Variants in DDR2 observed in about 807,000 individuals in gnomAD.
DDR2 encodes discoidin domain-containing receptor 2.
Under a neutral mutation model 94.9 loss-of-function variants are expected in DDR2, and 27 were observed. The ratio of observed to expected loss-of-function variants is 0.28; its 90% confidence interval spans 0.21 to 0.39. The LOEUF (loss-of-function observed/expected upper bound fraction) is 0.39, where lower values mean the gene tolerates loss of function less well. Among genes scored for constraint, DDR2 ranks in the 10% least tolerant of loss-of-function variants. The probability of loss-of-function intolerance (pLI) is 1.00; values close to 1 mark genes in which losing one functional copy is unlikely to be tolerated. For synonymous variants in DDR2, 382 were observed against 377.2 expected (o/e 1.01, Z -0.15); for missense variants, 783 against 1,076.0 (o/e 0.73, Z 3.81).
At chr1:162,741,561 T>C (rs1469423711) in intron 3 of DDR2, 1 of 985,000 alleles carries the variant, frequency 1.0e-6, no homozygotes, top group Admixed American at 6.2e-5. Context: ...TGCAAACTGT[T>C]AAGAATTCTA....
intron 12 of DDR2, 62 bp downstream of exon 12, chr1:162,770,574 T>G: frequency 1.4e-6 from 2 of 1,460,316 alleles, no homozygotes; most frequent in Non-Finnish European, 1.9e-6. Flanking sequence ...CAGGTAGGTA[T>G]GACACGCCTG....
intron 2 of DDR2, among the ~76,000 whole-genome samples, chr1:162,715,145 A>G (rs575743169): frequency 6.6e-6 from 1 of 152,316 alleles, no homozygotes; most frequent in East Asian, 1.9e-4. Flanking sequence ...GACCAGATGT[A>G]GTCACTGAAT....
chr1:162,739,822 T>C (rs1051267237), intron 3 of DDR2, among the ~76,000 whole-genome samples: 1 of 152,196 alleles, frequency 6.6e-6, no homozygotes, highest in Non-Finnish European at 1.5e-5. Flanking sequence ...GTAAAATATG[T>C]GAGAAGAAGT....
chr1:162,734,504 C>G (rs1422472686), intron 3 of DDR2, among the ~76,000 whole-genome samples: 1 of 152,156 alleles, frequency 6.6e-6, no homozygotes, highest in African/African-American at 2.4e-5. Context: ...CATTACAAGT[C>G]TAAAAACTGT....
chr1:162,730,039 G>C (rs535305135), intron 3 of DDR2, among the ~76,000 whole-genome samples: 1 of 117,378 alleles, frequency 8.5e-6, no homozygotes, highest in African/African-American at 3.4e-5. Flanking sequence ...ACCATGCCTG[G>C]CTTTTTTTTT....
intron 1 of DDR2, among the ~76,000 whole-genome samples, chr1:162,654,594 G>A (rs1170696544): frequency 6.6e-6 from 1 of 152,168 alleles, no homozygotes; most frequent in Non-Finnish European, 1.5e-5. Flanking sequence ...TGGTGCGGTG[G>A]AAATGAGACT....
intron 13 of DDR2, among the ~76,000 whole-genome samples, chr1:162,772,755 A>T (rs1286834013): frequency 6.6e-6 from 1 of 152,208 alleles, no homozygotes; most frequent in Non-Finnish European, 1.5e-5. Flanking sequence ...TTGCCCTCAG[A>T]GTGATGCATG....
At chr1:162,648,370 G>T (rs555592844) in intron 1 of DDR2, among the ~76,000 whole-genome samples, 3 of 152,300 alleles carry the variant, frequency 2.0e-5, no homozygotes, top group Admixed American at 2.0e-4. Flanking sequence ...TAACAGTGAG[G>T]ACAGGAGCCT....
chr1:162,724,641 G>A (rs764378942), intron 3 of DDR2, among the ~76,000 whole-genome samples: 3 of 152,094 alleles, frequency 2.0e-5, no homozygotes, highest in Admixed American at 1.3e-4. Flanking sequence ...CTCGTCATTC[G>A]TGTTCCCAGA....
intron 7 of DDR2, among the ~76,000 whole-genome samples, chr1:162,758,973 G>A (rs1663587263): frequency 6.6e-6 from 1 of 152,092 alleles, no homozygotes; most frequent in African/African-American, 2.4e-5. Context: ...AGTCAAATAA[G>A]CATACATGCA....
At chr1:162,696,499 T>C (rs949974817) in intron 2 of DDR2, among the ~76,000 whole-genome samples, 1 of 151,596 alleles carries the variant, frequency 6.6e-6, no homozygotes, top group Non-Finnish European at 1.5e-5. Flanking sequence ...GGTGTCATAT[T>C]TCATGAGCTC....
chr1:162,772,273 T>A lies in DDR2; in HGVS notation c.1728+26T>A, dbSNP rs561538146. The A allele has an allele frequency of 2.7e-5, 44 of 1,608,448 alleles. No individual in the cohort carries two copies. In the African/African-American group the frequency reaches 4.4e-4, roughly 16 times the overall value. On this transcript the variant is annotated intron_variant, in intron 13 of 17. Transcript: ENST00000367921. Reference sequence around the variant, plus strand: ...GTGAGTTGATTCTTTGATTCCCTTATAGCTCGAAGAAGGTGGTTGGATAAA... The same window carrying A: ...GTGAGTTGATTCTTTGATTCCCTTAAAGCTCGAAGAAGGTGGTTGGATAAA...
At chr1:162,742,586 G>A (rs775558124) in intron 3 of DDR2, among the ~76,000 whole-genome samples, 9 of 152,176 alleles carry the variant, frequency 5.9e-5, no homozygotes, top group Non-Finnish European at 1.0e-4. Context: ...CTTCCCCCAT[G>A]ATCCAAACAC....
Position 162,780,398 on chromosome 1 carries a change from C to T in DDR2, c.*152C>T, listed in dbSNP as rs1050990901. 7.1e-6 allele frequency: 8 copies of T among 1,133,782 alleles called. No homozygotes were observed. Among genetic ancestry groups the T allele is most frequent in the Non-Finnish European group, 6.4e-6 (5 of 785,862 alleles). The allele number at this position is 1,133,782 out of a possible 1,614,324, so 70.2% of individuals were successfully genotyped here. On this transcript the variant is annotated 3_prime_UTR_variant, in exon 18 of 18. Coordinates refer to ENST00000367921, the MANE Select transcript of DDR2 (RefSeq NM_006182.4). ...CCCTCTTTTCCTGGTCACCCCCACT[C>T]CCTACCCCTGACTCATATACACTTT...
intron 13 of DDR2, 159 bp downstream of exon 13, chr1:162,772,406 C>A (rs1647273630): frequency 1.3e-6 from 1 of 797,884 alleles, no homozygotes. Context: ...TTGGGTCAAC[C>A]TAATCTTTGT....
chr1:162,770,594 C>T, intron 12 of DDR2, 82 bp downstream of exon 12: 1 of 1,319,786 alleles, frequency 7.6e-7, no homozygotes, highest in South Asian at 1.2e-5. Context: ...GCTCCCAGTT[C>T]ATTGCATCTA....
intron 16 of DDR2, 88 bp downstream of exon 16, chr1:162,776,458 G>T: frequency 8.2e-7 from 1 of 1,220,650 alleles, no homozygotes. Context: ...GAGACAGCAG[G>T]AGGCAAACTC....
At chr1:162,757,803 TA>T (rs1663531199) in intron 7 of DDR2, among the ~76,000 whole-genome samples, 1 of 152,098 alleles carries the variant, frequency 6.6e-6, no homozygotes, top group East Asian at 1.9e-4. Context: ...ACCAAGGCCA[TA>T]ACCGTGACTG....
intron 2 of DDR2, among the ~76,000 whole-genome samples, chr1:162,677,562 A>G (rs1338499247): frequency 6.6e-6 from 1 of 152,168 alleles, no homozygotes; most frequent in African/African-American, 2.4e-5. Context: ...CCTCTCTTAC[A>G]TGAATAGGTG....
Sources: gnomAD v4.1 joint callset for allele counts (sites outside exome capture counted in the v4.1 genomes callset) on GRCh38, gnomAD v4.1.1 for gene constraint, MANE v1.5 for transcripts, NCBI Gene and HGNC (gene_info 2026-07-23, HGNC 2026-07-21) for gene names.